PGBD5: variants seen among roughly 807,000 people sequenced by gnomAD.
PGBD5 encodes piggyBac transposable element-derived protein 5.
A neutral mutation model predicts 47.9 loss-of-function variants in PGBD5; 14 were observed. The observed-to-expected ratio is 0.29, with a 90% CI of 0.19 to 0.46. The LOEUF (loss-of-function observed/expected upper bound fraction) is 0.46, where lower values mean the gene tolerates loss of function less well. PGBD5 is among the 20% of genes least tolerant of loss of function. The pLI is 1.00. For missense variants in PGBD5, 635 were observed against 716.0 expected (o/e 0.89, Z 1.29); for synonymous variants, 316 against 306.3 (o/e 1.03, Z -0.33).
intron 3 of PGBD5, among the ~76,000 whole-genome samples, chr1:230,344,731 G>T (rs550207936): frequency 1.3e-4 from 20 of 152,108 alleles, no homozygotes; most frequent in African/African-American, 4.3e-4. Flanking sequence ...TTTGCTTGGG[G>T]GTTACCATCT....
At chr1:230,376,139 G>A (rs555231504) in intron 1 of PGBD5, among the ~76,000 whole-genome samples, 10 of 152,080 alleles carry the variant, frequency 6.6e-5, no homozygotes, top group South Asian at 2.1e-4. Context: ...GGTGGGATGC[G>A]TGGAGTCCTT....
chr1:230,341,287 G>A (rs1667404579), intron 3 of PGBD5, among the ~76,000 whole-genome samples: 1 of 152,152 alleles, frequency 6.6e-6, no homozygotes, highest in Non-Finnish European at 1.5e-5. Flanking sequence ...AGTCTAAGAG[G>A]TACTGCTTGG....
chr1:230,369,950 T>C (rs1009856050), intron 1 of PGBD5, among the ~76,000 whole-genome samples: 1 of 152,114 alleles, frequency 6.6e-6, no homozygotes, highest in Admixed American at 6.5e-5. Flanking sequence ...GATATCACGA[T>C]GATGGAAAGG....
rs1425914749 is a variant in PGBD5, at chr1:230,425,389, AC to A, written c.331+208del. On this transcript the variant is annotated intron_variant, in intron 1 of 6. Transcript: ENST00000391860. The surrounding 1 kb of genome is among the most constrained non-coding windows in gnomAD (Gnocchi z 4.7). The stretch of plus-strand genomic sequence containing the variant: ...CATTGTCACTGGAAAAGTGCTGGCC[AC>A]GGCCTCCGCCTTACCCTCTCCACCC... Among the ~76,000 whole-genome samples, 1 of 152,158 alleles carries A rather than the reference AC, an allele frequency of 6.6e-6. No individual in the cohort carries two copies.
chr1:230,344,167 C>T (rs1226496431), intron 3 of PGBD5, among the ~76,000 whole-genome samples: 2 of 151,136 alleles, frequency 1.3e-5, no homozygotes, highest in Non-Finnish European at 2.9e-5. Flanking sequence ...CACCTGTAGT[C>T]CCAGCTACTC....
intron 1 of PGBD5, among the ~76,000 whole-genome samples, chr1:230,401,104 A>G (rs2102741546): frequency 6.6e-6 from 1 of 152,242 alleles, no homozygotes; most frequent in African/African-American, 2.4e-5. Flanking sequence ...CCTAACATTT[A>G]CCAGAAGGCA....
In PGBD5 at chr1:230,425,746, G is replaced by A; in HGVS notation, c.183C>T (p.Asp61=). 1 of 1,212,538 alleles carries A rather than the reference G, an allele frequency of 8.2e-7. No individual in the cohort carries two copies. Among genetic ancestry groups the A allele is most frequent in the Non-Finnish European group, 1.0e-6 (1 of 975,642 alleles). 75.1% of individuals were successfully genotyped at this position (1,212,538 alleles called of 1,614,324 possible). A position where few individuals can be genotyped will look rare whatever the true frequency, so the allele number is the denominator to read the frequency against. Residue 61 remains aspartate (D), a synonymous_variant, in exon 1 of 7, where the codon GAC becomes GAT. Coordinates refer to ENST00000391860, the MANE Select transcript of PGBD5 (RefSeq NM_001258311.2). This position sits in a 1 kb window ranked among gnomAD's most constrained non-coding sequence, Gnocchi z 4.7. ...ASRSSSAASS[D]DEREPPGPPG... is the part of the protein sequence containing the mutation. ...GGGGTCCCGGGGGCTCGCGCTCGTC[G>A]TCCGAGGAGGCGGCCGAGGAGGAGC... is the stretch of plus-strand genomic sequence containing the variant.
chr1:230,387,806 G>A lies in PGBD5; in HGVS notation c.332-30485C>T, dbSNP rs183998332. On this transcript the variant is annotated intron_variant, in intron 1 of 6. Transcript: ENST00000391860. ...AATGTTCCCACACGCTCCTAGGCTC[G>A]GGCCTGCAATTGCATTCCAAAAGGT... Among the ~76,000 whole-genome samples the A allele has an allele frequency of 4.6e-3, 707 of 152,236 alleles. 5 individuals are homozygous for A. Among genetic ancestry groups the A allele is most frequent in the Middle Eastern group, 0.034 (10 of 294 alleles).
intron 1 of PGBD5, among the ~76,000 whole-genome samples, chr1:230,373,579 A>G (rs1320892136): frequency 6.6e-6 from 1 of 152,228 alleles, no homozygotes; most frequent in African/African-American, 2.4e-5. Context: ...CTCAAGAAAC[A>G]TATTTTGTGT....
intron 1 of PGBD5, among the ~76,000 whole-genome samples, chr1:230,382,645 G>A (rs1275667494): frequency 6.6e-6 from 1 of 152,218 alleles, no homozygotes; most frequent in Non-Finnish European, 1.5e-5. Context: ...AGGGTGGTTG[G>A]TCACCTGAGA....
intron 2 of PGBD5, 58 bp downstream of exon 2, chr1:230,356,836 G>C (rs542715995): frequency 4.5e-6 from 7 of 1,560,490 alleles, no homozygotes; most frequent in African/African-American, 4.1e-5. Context: ...AACAGACAAG[G>C]CTAGGCCGAG....
At chr1:230,424,748 T>A (rs1418144119) in intron 1 of PGBD5, among the ~76,000 whole-genome samples, 1 of 152,190 alleles carries the variant, frequency 6.6e-6, no homozygotes, top group African/African-American at 2.4e-5. Flanking sequence ...AATACCAGCA[T>A]GAGAGGGCGG....
intron 1 of PGBD5, among the ~76,000 whole-genome samples, chr1:230,418,604 C>T (rs1657577010): frequency 6.6e-6 from 1 of 152,156 alleles, no homozygotes; most frequent in South Asian, 2.1e-4. Flanking sequence ...CCCACCTCAG[C>T]CTTTAGTGTA....
At chr1:230,368,250 T>C (rs1667873219) in intron 1 of PGBD5, 2 of 1,231,244 alleles carry the variant, frequency 1.6e-6, no homozygotes, top group Non-Finnish European at 2.1e-6. Flanking sequence ...TTTCCATGCC[T>C]AAAATAAATT....
chr1:230,349,534 C>CAAAAAA lies in PGBD5; in HGVS notation c.894+1418_894+1423dup, dbSNP rs11446040. The stretch of plus-strand genomic sequence containing the variant: ...TGGGTGACAGAGTCAGACCCCGTCT[C>CAAAAAA]AAAAAAAAAAAAAAAAAAAAAAGCT... On this transcript the variant is annotated intron_variant, in intron 3 of 6. Coordinates refer to ENST00000391860, the MANE Select transcript of PGBD5 (RefSeq NM_001258311.2). 1.2e-4 allele frequency among the ~76,000 whole-genome samples: 10 copies of CAAAAAA among 83,660 alleles called. 1 individual carries two copies. The South Asian group carries it at 3.0e-3, about 25-fold the overall frequency. The allele number at this position is 83,660 out of a possible 152,430, so 54.9% of individuals were successfully genotyped here.
At position 230,322,475 on chromosome 1, in the gene PGBD5, C is replaced by T. The variant is rs1667047982; in HGVS notation, c.*950G>A. 6.6e-6 allele frequency: 1 copy of T among 152,458 alleles called. No homozygotes were observed. Among genetic ancestry groups the T allele is most frequent in the African/African-American group, 2.4e-5 (1 of 41,458 alleles). 9.4% of individuals were successfully genotyped at this position (152,458 alleles called of 1,614,324 possible). A position where few individuals can be genotyped will look rare whatever the true frequency, so the allele number is the denominator to read the frequency against. On this transcript the variant is annotated 3_prime_UTR_variant, in exon 7 of 7. Transcript: ENST00000391860. The surrounding 1 kb of genome is among the most constrained non-coding windows in gnomAD (Gnocchi z 5.9). ...TGTTTCAGCAATGCTACTTATTTTT[C>T]AAGACAAGTAATTCTGCCAATGATG... is the stretch of plus-strand genomic sequence containing the variant.
chr1:230,323,224 G>A lies in PGBD5; in HGVS notation c.*201C>T. The A allele has an allele frequency of 3.4e-6, 2 of 592,268 alleles. No individual in the cohort carries two copies. The highest frequency in any genetic ancestry group is 2.3e-5 in the South Asian group (1 of 43,862). The allele number at this position is 592,268 out of a possible 1,614,324, so 36.7% of individuals were successfully genotyped here. A position where few individuals can be genotyped will look rare whatever the true frequency, so the allele number is the denominator to read the frequency against. On this transcript the variant is annotated 3_prime_UTR_variant, in exon 7 of 7. Transcript: ENST00000391860. The surrounding 1 kb of genome is among the most constrained non-coding windows in gnomAD (Gnocchi z 4.1). ...CCGGCGGCACTGTTTCTCGAGGGAG[G>A]ACATGCTCTTCTTGGAATGCAAATG... is the stretch of plus-strand genomic sequence containing the variant.
Position 230,380,248 on chromosome 1 carries a change from C to G in PGBD5, c.332-22927G>C, listed in dbSNP as rs182933203. ...TAATCACAGGATAGAAAACAAAGCCCTGTGTGGAAGAGACAGGCAGTACTT... is the reference window on the plus strand; with the variant it reads ...TAATCACAGGATAGAAAACAAAGCCGTGTGTGGAAGAGACAGGCAGTACTT... On this transcript the variant is annotated intron_variant, in intron 1 of 6. Transcript: ENST00000391860. 3.3e-5 allele frequency among the ~76,000 whole-genome samples: 5 copies of G among 152,312 alleles called. No homozygotes were observed. The East Asian group carries it at 7.7e-4, about 24-fold the overall frequency.
chr1:230,371,790 C>T (rs949588009), intron 1 of PGBD5, among the ~76,000 whole-genome samples: 1 of 152,222 alleles, frequency 6.6e-6, no homozygotes, highest in Non-Finnish European at 1.5e-5. Context: ...AGAGCTTGCA[C>T]AAATCACTCA....
Sources: gnomAD v4.1 joint callset for allele counts (sites outside exome capture counted in the v4.1 genomes callset) on GRCh38, gnomAD v4.1.1 for gene constraint, Gnocchi (gnomAD v3.1) non-coding constraint, MANE v1.5 for transcripts, NCBI Gene and HGNC (gene_info 2026-07-23, HGNC 2026-07-21) for gene names.